The following PDGFC variants were observed in gnomAD, a reference collection of about 807,000 sequenced individuals.
PDGFC encodes platelet-derived growth factor C.
Under a neutral mutation model 35.5 loss-of-function variants are expected in PDGFC, and 12 were observed. That is an observed-to-expected ratio of 0.34 (90% CI 0.22 to 0.55). The LOEUF is 0.55. Ranked by LOEUF, PDGFC falls within the 20% of genes least tolerant of loss-of-function variation. The pLI is 0.91. For synonymous variants in PDGFC, 159 were observed against 148.8 expected, an observed-to-expected ratio of 1.07 and a Z score of -0.50; for missense variants, 322 against 412.4, an observed-to-expected ratio of 0.78 and a Z score of 1.90.
chr4:156,811,209 T>C (rs947741922), intron 2 of PDGFC, among the ~76,000 whole-genome samples, 192 bp from the exon 3 acceptor site: 4 of 152,074 alleles, frequency 2.6e-5, no homozygotes, highest in Non-Finnish European at 5.9e-5. Flanking sequence ...TGAAGAACTA[T>C]GAGTCTCTTT....
chr4:156,901,701 C>A (rs1030661379), intron 1 of PDGFC, among the ~76,000 whole-genome samples: 3 of 152,128 alleles, frequency 2.0e-5, no homozygotes, highest in Non-Finnish European at 4.4e-5. Context: ...CAGCTCACTG[C>A]AACCTCCGCC....
intron 2 of PDGFC, among the ~76,000 whole-genome samples, chr4:156,835,009 C>A (rs1729029668): frequency 6.6e-6 from 1 of 151,732 alleles, no homozygotes; most frequent in Admixed American, 6.6e-5. Flanking sequence ...AAAAGATTCT[C>A]AAAGCTCAAA....
intron 1 of PDGFC, among the ~76,000 whole-genome samples, chr4:156,883,931 AG>A (rs1387546289): frequency 6.6e-6 from 1 of 152,184 alleles, no homozygotes; most frequent in East Asian, 1.9e-4. Context: ...CTCAAGATAA[AG>A]GTCTCTGGTC....
intron 1 of PDGFC, among the ~76,000 whole-genome samples, chr4:156,933,034 C>T (rs775269449): frequency 7.9e-4 from 121 of 152,222 alleles, no homozygotes; most frequent in African/African-American, 2.6e-3. Context: ...TAGTCTCTGC[C>T]GCTCCCTACC....
rs59421806 is a variant in PDGFC, at chr4:156,826,174, A to ATTTTTTTTTTTTTTTTT, written c.315-15174_315-15158dup. 1.1e-4 allele frequency among the ~76,000 whole-genome samples: 5 copies of ATTTTTTTTTTTTTTTTT among 43,788 alleles called. 1 individual carries two copies. Among genetic ancestry groups the ATTTTTTTTTTTTTTTTT allele is most frequent in the Non-Finnish European group, 1.2e-4 (3 of 24,274 alleles). 28.7% of individuals were successfully genotyped at this position (43,788 alleles called of 152,430 possible). A position where few individuals can be genotyped will look rare whatever the true frequency, so the allele number is the denominator to read the frequency against. On this transcript the variant is annotated intron_variant, in intron 2 of 5. Coordinates refer to ENST00000502773, the MANE Select transcript of PDGFC (RefSeq NM_016205.3). ...GCCACCATATCCAGCTTTGAGTTGG[A>ATTTTTTTTTTTTTTTTT]TTTTTTTTTTTTTTTTTTTTTTTTT...
intron 1 of PDGFC, among the ~76,000 whole-genome samples, chr4:156,892,122 G>A (rs77443031): frequency 0.058 from 8,788 of 152,062 alleles, 365 homozygotes; most frequent in Middle Eastern, 0.11. Flanking sequence ...TATATAATCC[G>A]AATCAATTAA....
chr4:156,962,602 T>C (rs1196495743), intron 1 of PDGFC, among the ~76,000 whole-genome samples: 1 of 152,178 alleles, frequency 6.6e-6, no homozygotes, highest in Non-Finnish European at 1.5e-5. Context: ...CAGATGCTCA[T>C]ACATATTTGC....
chr4:156,783,402 T>C (rs2110854511), intron 3 of PDGFC, among the ~76,000 whole-genome samples: 1 of 152,242 alleles, frequency 6.6e-6, no homozygotes, highest in East Asian at 1.9e-4. Context: ...GTGCCTTGGG[T>C]TGGGAGAAGG....
In PDGFC at chr4:156,971,659, G is replaced by A. The variant is rs1363674331; in HGVS notation, c.-756C>T. On this transcript the variant is annotated 5_prime_UTR_variant, in exon 1 of 6. Coordinates refer to ENST00000502773, the MANE Select transcript of PDGFC (RefSeq NM_016205.3). ...CGCGACCAAAGTTCACCTTGTTCGG[G>A]CTCGTCCCCCGCTCCTCAAAGCCTG... Among the ~76,000 whole-genome samples the A allele has an allele frequency of 6.6e-6, 1 of 151,852 alleles. No homozygotes were observed. The highest frequency in any genetic ancestry group is 1.5e-5 in the Non-Finnish European group (1 of 67,942).
chr4:156,839,161 C>G (rs1729139023), intron 2 of PDGFC, among the ~76,000 whole-genome samples: 1 of 152,196 alleles, frequency 6.6e-6, no homozygotes, highest in African/African-American at 2.4e-5. Context: ...AGTCTAGACA[C>G]ATTCCAAAGG....
At chr4:156,885,880 C>CAAAT (rs200570918) in intron 1 of PDGFC, among the ~76,000 whole-genome samples, 4,007 of 151,692 alleles carry the variant, frequency 0.026, 75 homozygotes, top group African/African-American at 0.053. Context: ...AGATCTTGTC[C>CAAAT]AAATAAATAA....
intron 3 of PDGFC, among the ~76,000 whole-genome samples, chr4:156,798,769 A>G (rs1013671609): frequency 6.6e-6 from 1 of 152,136 alleles, no homozygotes; most frequent in East Asian, 1.9e-4. Context: ...GTGCTTGCAT[A>G]TTTCTTTCTC....
intron 1 of PDGFC, among the ~76,000 whole-genome samples, chr4:156,952,394 GA>G (rs1364160593): frequency 6.6e-6 from 1 of 151,824 alleles, no homozygotes; most frequent in Non-Finnish European, 1.5e-5. Flanking sequence ...TCACTACGTA[GA>G]AAATCAAACA....
chr4:156,860,840 A>G (rs893774465), intron 1 of PDGFC, among the ~76,000 whole-genome samples: 1 of 152,160 alleles, frequency 6.6e-6, no homozygotes, highest in Admixed American at 6.6e-5. Context: ...TTTTGATCAT[A>G]GTGAAAAGTA....
chr4:156,894,409 G>T (rs1179043796), intron 1 of PDGFC, among the ~76,000 whole-genome samples: 3 of 152,012 alleles, frequency 2.0e-5, no homozygotes, highest in Non-Finnish European at 1.5e-5. Context: ...CCATAAATAT[G>T]TCATATACCA....
intron 1 of PDGFC, among the ~76,000 whole-genome samples, chr4:156,868,257 T>C (rs560810645): frequency 7.2e-5 from 11 of 152,280 alleles, no homozygotes; most frequent in Non-Finnish European, 5.9e-5. Context: ...TCACCAAAAA[T>C]AAAGGCGAGC....
At chr4:156,919,278 C>T (rs1008864784) in intron 1 of PDGFC, among the ~76,000 whole-genome samples, 5 of 152,122 alleles carry the variant, frequency 3.3e-5, no homozygotes, top group East Asian at 1.9e-4. Flanking sequence ...AAAATGCATG[C>T]GCTTTACATA....
intron 2 of PDGFC, among the ~76,000 whole-genome samples, chr4:156,839,918 T>C (rs960436684): frequency 1.3e-5 from 2 of 152,124 alleles, no homozygotes; most frequent in African/African-American, 4.8e-5. Flanking sequence ...GCTCCTGCCC[T>C]AGAGATGTGT....
chr4:156,881,890 C>T (rs552357068), intron 1 of PDGFC, among the ~76,000 whole-genome samples: 1 of 151,714 alleles, frequency 6.6e-6, no homozygotes, highest in South Asian at 2.1e-4. Flanking sequence ...TGCTTGCTGC[C>T]ATCCATGTAA....
Sources: gnomAD v4.1 joint callset for allele counts (sites outside exome capture counted in the v4.1 genomes callset) on GRCh38, gnomAD v4.1.1 for gene constraint, MANE v1.5 for transcripts, NCBI Gene and HGNC (gene_info 2026-07-23, HGNC 2026-07-21) for gene names.